PLOD2: variants seen among roughly 807,000 people sequenced by gnomAD.
PLOD2 encodes lysine hydroxylase 2.
In PLOD2, 65 loss-of-function variants were observed where a neutral mutation model predicts 101.0. The observed-to-expected ratio is 0.64, with a 90% confidence interval of 0.53 to 0.79. The LOEUF is 0.79. Among genes scored for constraint, PLOD2 ranks in the 30% least tolerant of loss-of-function variants. The probability of loss-of-function intolerance (pLI) is 0.00; values close to 1 mark genes in which losing one functional copy is unlikely to be tolerated. For missense variants in PLOD2, 909 were observed against 914.6 expected, an observed-to-expected ratio of 0.99 and a Z score of 0.08; for synonymous variants, 314 against 302.9, an observed-to-expected ratio of 1.04 and a Z score of -0.38.
At chr3:146,150,983 C>G (rs1201774436) in intron 1 of PLOD2, among the ~76,000 whole-genome samples, 1 of 152,158 alleles carries the variant, frequency 6.6e-6, no homozygotes, top group Non-Finnish European at 1.5e-5. Flanking sequence ...GCCTACTGTC[C>G]TGCATCTAAA....
At chr3:146,148,333 G>C (rs199744225) in intron 1 of PLOD2, among the ~76,000 whole-genome samples, 18 of 52,886 alleles carry the variant, frequency 3.4e-4, no homozygotes, top group South Asian at 1.2e-3. Context: ...CAGGCAGGCA[G>C]GCACGCACAC....
chr3:146,160,730 G>A, intron 1 of PLOD2, 151 bp downstream of exon 1: 1 of 610,916 alleles, frequency 1.6e-6, no homozygotes, highest in Non-Finnish European at 2.9e-6. Flanking sequence ...CCGCCCGACC[G>A]CAATTCTGGG....
intron 1 of PLOD2, among the ~76,000 whole-genome samples, chr3:146,136,431 T>G (rs187226999): frequency 6.6e-6 from 1 of 152,328 alleles, no homozygotes; most frequent in East Asian, 1.9e-4. Flanking sequence ...ACTTCTTGCA[T>G]AAAATTATTT....
Position 146,099,281 on chromosome 3 carries a change from A to G in PLOD2, c.777+3474T>C, listed in dbSNP as rs1451165143. 2.6e-5 allele frequency among the ~76,000 whole-genome samples: 4 copies of G among 152,148 alleles called. No homozygotes were observed. In the East Asian group the frequency reaches 5.8e-4, roughly 22 times the overall value. Reference sequence around the variant, plus strand: ...GTGATATGTCCTTTAGTCACTTTTTAAAGCTCCAGTCAGCATCATCCTGGA... The same window carrying G: ...GTGATATGTCCTTTAGTCACTTTTTGAAGCTCCAGTCAGCATCATCCTGGA... On this transcript the variant is annotated intron_variant, in intron 7 of 19. Coordinates refer to ENST00000282903, the MANE Select transcript of PLOD2 (RefSeq NM_182943.3).
intron 6 of PLOD2, 60 bp downstream of exon 6, chr3:146,104,219 T>C (rs143837404): frequency 8.6e-6 from 8 of 925,810 alleles, no homozygotes; most frequent in South Asian, 3.9e-5. Flanking sequence ...AAAGGAAAGA[T>C]AGTTGAAAAC....
rs1331777268 is a variant in PLOD2, at chr3:146,124,202, G to A, written c.137C>T (p.Thr46Ile). 2 of 1,591,018 alleles carry A rather than the reference G, an allele frequency of 1.3e-6. No homozygotes were observed. The highest frequency in any genetic ancestry group is 2.2e-5 in the South Asian group (2 of 90,622). ...TDKLLVITVA[T>I]KESDGFHRFM... ...TCGATGGAATCCATCACTTTCTTTT[G>A]TTGCTACAGTTATGACTAATAATTT... Residue 46 changes from threonine (T) to isoleucine (I), a missense_variant, in exon 2 of 20, where the codon ACA becomes ATA. By Grantham distance (89) the Thr-to-Ile change is moderately conservative. Transcript: ENST00000282903.
At chr3:146,148,958 C>A (rs1244201260) in intron 1 of PLOD2, among the ~76,000 whole-genome samples, 1 of 152,162 alleles carries the variant, frequency 6.6e-6, no homozygotes, top group African/African-American at 2.4e-5. Context: ...ATGCTACAAC[C>A]ACAATAAGCA....
intron 12 of PLOD2, among the ~76,000 whole-genome samples, chr3:146,080,367 T>C (rs1936494614): frequency 6.6e-6 from 1 of 152,080 alleles, no homozygotes; most frequent in African/African-American, 2.4e-5. Flanking sequence ...ACTTTCTCTA[T>C]CTCAACATAT....
chr3:146,108,966 G>C (rs1390596138), intron 4 of PLOD2, among the ~76,000 whole-genome samples: 1 of 152,156 alleles, frequency 6.6e-6, no homozygotes, highest in East Asian at 1.9e-4. Context: ...ATATTACTGA[G>C]GTCTTGACAG....
intron 1 of PLOD2, among the ~76,000 whole-genome samples, chr3:146,153,342 T>C (rs1406184698): frequency 6.6e-6 from 1 of 152,170 alleles, no homozygotes; most frequent in Non-Finnish European, 1.5e-5. Context: ...AGTACATTGC[T>C]AGAAACAGGA....
Position 146,079,121 on chromosome 3 carries a change from C to A in PLOD2, c.1495G>T (p.Glu499Ter). The A allele has an allele frequency of 3.1e-6, 5 of 1,612,632 alleles. No individual in the cohort carries two copies. The highest frequency in any genetic ancestry group is 4.2e-6 in the Non-Finnish European group (5 of 1,178,880). ...GCCATCACTGCATATCTTACCATTTCTCTAGCATTTCGGCAAAGAGCCATA... is the reference window on the plus strand; with the variant it reads ...GCCATCACTGCATATCTTACCATTTATCTAGCATTTCGGCAAAGAGCCATA... ...PDMALCRNAR[E>*]MTLQREKDSP... is the part of the protein sequence containing the mutation. The change falls in exon 13 of 20, where the codon GAA (glutamate) becomes TAA (stop). Residue 499 changes from glutamate (E) to a stop codon, truncating the protein, a stop_gained. Coordinates refer to ENST00000282903, the MANE Select transcript of PLOD2 (RefSeq NM_182943.3). LOFTEE classifies it high-confidence loss of function.
In PLOD2 at chr3:146,088,716, G is replaced by A; in HGVS notation, c.880-5C>T. 1.9e-6 allele frequency: 3 copies of A among 1,598,198 alleles called. No individual in the cohort carries two copies. The highest frequency in any genetic ancestry group is 2.6e-6 in the Non-Finnish European group (3 of 1,166,856). On this transcript the variant is annotated splice_polypyrimidine_tract_variant and splice_region_variant and intron_variant, in intron 8 of 19. Coordinates refer to ENST00000282903, the MANE Select transcript of PLOD2 (RefSeq NM_182943.3). The stretch of plus-strand genomic sequence containing the variant: ...TATTGATACGTTTGGATGGACCTTT[G>A]TTTTACACCAAACATAAAAATAAAA...
chr3:146,088,519 T>C lies in PLOD2; in HGVS notation c.1005+67A>G. The C allele has an allele frequency of 6.2e-6, 7 of 1,126,172 alleles. No homozygotes were observed. In the Admixed American group the frequency reaches 9.9e-5, roughly 16 times the overall value. The allele number at this position is 1,126,172 out of a possible 1,614,324, so 69.8% of individuals were successfully genotyped here. A position where few individuals can be genotyped will look rare whatever the true frequency, so the allele number is the denominator to read the frequency against. The stretch of plus-strand genomic sequence containing the variant: ...CCCAATGAATTTTATTTGACATAAA[T>C]AACAAATAGTTCCAAAAAAGACCAA... On this transcript the variant is annotated intron_variant, in intron 9 of 19. Coordinates refer to ENST00000282903, the MANE Select transcript of PLOD2 (RefSeq NM_182943.3).
chr3:146,079,326 T>C (rs1441957429), intron 12 of PLOD2, 69 bp from the exon 13 acceptor site: 2 of 1,198,910 alleles, frequency 1.7e-6, no homozygotes, highest in Admixed American at 3.8e-5. Context: ...TTTTTACCTT[T>C]TTAAAATAAA....
intron 7 of PLOD2, among the ~76,000 whole-genome samples, chr3:146,093,262 A>G (rs183518762): frequency 9.8e-5 from 15 of 152,348 alleles, no homozygotes; most frequent in Admixed American, 9.1e-4. Context: ...TGTGTTGTAC[A>G]GATATTATAG....
At position 146,069,974 on chromosome 3, in the gene PLOD2, A is replaced by C. The variant is rs948899656; in HGVS notation, c.*743T>G. 17 of 152,286 alleles carry C rather than the reference A, an allele frequency of 1.1e-4. No homozygotes were observed. The highest frequency in any genetic ancestry group is 4.1e-4 in the African/African-American group (17 of 41,536). 9.4% of individuals were successfully genotyped at this position (152,286 alleles called of 1,614,324 possible). On this transcript the variant is annotated 3_prime_UTR_variant, in exon 20 of 20. Coordinates refer to ENST00000282903, the MANE Select transcript of PLOD2 (RefSeq NM_182943.3). ...CACTTGCTGATCTTGACACTTGATA[A>C]TACTTTAAGAAATGGAAAGGTTTTC...
chr3:146,121,257 A>G lies in PLOD2; in HGVS notation c.202-9T>C, dbSNP rs1303099892. 4 of 1,611,376 alleles carry G rather than the reference A, an allele frequency of 2.5e-6. No individual in the cohort carries two copies. Among genetic ancestry groups the G allele is most frequent in the Admixed American group, 3.3e-5 (2 of 59,968 alleles). On this transcript the variant is annotated splice_polypyrimidine_tract_variant and intron_variant, in intron 2 of 19. Transcript: ENST00000282903. ...TCTCCTTGACCAAGGACCTATAAAC[A>G]AAATCAACATTTCATTCCTGAGCAA... is the stretch of plus-strand genomic sequence containing the variant.
intron 1 of PLOD2, among the ~76,000 whole-genome samples, chr3:146,142,737 A>T (rs1469861140): frequency 1.3e-5 from 2 of 152,150 alleles, no homozygotes; most frequent in Non-Finnish European, 2.9e-5. Flanking sequence ...AAGTACAATA[A>T]ATAACAAACG....
rs756102883 is a variant in PLOD2 at position 146,071,443 on chromosome 3, CATA to C, written c.1849-23_1849-21del. 1.2e-6 allele frequency: 2 copies of C among 1,609,020 alleles called. No homozygotes were observed. Among genetic ancestry groups the C allele is most frequent in the East Asian group, 4.5e-5 (2 of 44,774 alleles). ...GCTATCCTAGAAACAACATTAATGA[CATA>C]ATAAGCTGTACTCCACGTGCAATTC... On this transcript the variant is annotated intron_variant, in intron 17 of 19. Coordinates refer to ENST00000282903, the MANE Select transcript of PLOD2 (RefSeq NM_182943.3).
Sources: allele counts gnomAD v4.1 joint callset (sites outside exome capture counted in the v4.1 genomes callset), GRCh38; gene constraint gnomAD v4.1.1; transcripts MANE v1.5; gene names NCBI Gene and HGNC (gene_info 2026-07-23, HGNC 2026-07-21).